The following DOP1B variants were observed in gnomAD, a reference collection of about 807,000 sequenced individuals.
The protein encoded by DOP1B is DOP1 leucine zipper like protein B, also known as protein DOP1B.
Under a neutral mutation model 233.5 loss-of-function variants are expected in DOP1B, and 174 were observed. The ratio of observed to expected loss-of-function variants is 0.75; its 90% CI spans 0.66 to 0.85. The LOEUF (loss-of-function observed/expected upper bound fraction) is 0.85. DOP1B is among the 40% of genes least tolerant of loss of function. DOP1B has a pLI of 0.00. For synonymous variants in DOP1B, 1,190 were observed against 1,185.6 expected (o/e 1.00, Z -0.08); for missense variants, 2,652 against 2,846.6 (o/e 0.93, Z 1.56).
chr21:36,184,345 G>C (rs535767691), intron 2 of DOP1B, among the ~76,000 whole-genome samples: 1 of 151,952 alleles, frequency 6.6e-6, no homozygotes, highest in African/African-American at 2.4e-5. Context: ...CACCACGCCC[G>C]GCCTAATTTT....
At chr21:36,264,417 A>T (rs544568852) in intron 26 of DOP1B, among the ~76,000 whole-genome samples, 39 of 152,010 alleles carry the variant, frequency 2.6e-4, no homozygotes, top group South Asian at 4.1e-4. Context: ...TCTCAAAAAA[A>T]TTTTTTAAAA....
intron 1 of DOP1B, among the ~76,000 whole-genome samples, chr21:36,159,528 A>G (rs150212627): frequency 2.4e-4 from 36 of 152,342 alleles, no homozygotes; most frequent in African/African-American, 6.7e-4. Context: ...GCTTGGTAGC[A>G]TACCACGTGC....
At chr21:36,271,398 C>G (rs763124928) in intron 27 of DOP1B, among the ~76,000 whole-genome samples, 1 of 151,780 alleles carries the variant, frequency 6.6e-6, no homozygotes, top group East Asian at 1.9e-4. Context: ...CTCAGCCTCC[C>G]GAATAGCTGG....
At chr21:36,166,253 G>A (rs541648394) in intron 2 of DOP1B, among the ~76,000 whole-genome samples, 29 of 151,568 alleles carry the variant, frequency 1.9e-4, no homozygotes, top group South Asian at 1.0e-3. Flanking sequence ...TGGCTAACGC[G>A]GTGAAACCCT....
At chr21:36,237,465 G>C (rs1601436959) in intron 16 of DOP1B, 51 bp downstream of exon 16, 2 of 1,603,400 alleles carry the variant, frequency 1.2e-6, no homozygotes, top group Non-Finnish European at 1.7e-6. Flanking sequence ...GGCCCCTGCT[G>C]TACGTGCCCT....
intron 2 of DOP1B, among the ~76,000 whole-genome samples, chr21:36,179,104 C>CAA (rs1394340871): frequency 6.6e-6 from 1 of 152,232 alleles, no homozygotes; most frequent in Admixed American, 6.5e-5. Flanking sequence ...TTTCACTCAG[C>CAA]AAAGCTACTT....
At chr21:36,251,090 T>G in intron 21 of DOP1B, 72 bp from the exon 22 acceptor site, 1 of 1,543,794 alleles carries the variant, frequency 6.5e-7, no homozygotes, top group Non-Finnish European at 8.7e-7. Context: ...TGGACAGCAG[T>G]GGTGGTTCAA....
intron 2 of DOP1B, among the ~76,000 whole-genome samples, chr21:36,192,758 G>A (rs1441152786): frequency 1.3e-4 from 19 of 151,768 alleles, no homozygotes; most frequent in Admixed American, 1.2e-3. Flanking sequence ...CACGATCTCG[G>A]CTCACTGCAA....
intron 2 of DOP1B, chr21:36,170,276 TG>T (rs1281335563): frequency 4.6e-5 from 15 of 326,746 alleles, no homozygotes; most frequent in Non-Finnish European, 8.0e-5. Flanking sequence ...ATATGCTTTT[TG>T]GGCATTTGTG....
At chr21:36,163,334 G>T (rs1417283216) in intron 1 of DOP1B, among the ~76,000 whole-genome samples, 1 of 114,434 alleles carries the variant, frequency 8.7e-6, no homozygotes, top group African/African-American at 3.3e-5. Context: ...ACAAGAGTGA[G>T]ACTCTGTCTC....
intron 27 of DOP1B, among the ~76,000 whole-genome samples, chr21:36,275,826 G>GGGAAAGAAGCAAA (rs1451244337): frequency 6.6e-6 from 1 of 152,092 alleles, no homozygotes; most frequent in Non-Finnish European, 1.5e-5. Context: ...CATTCTTCTA[G>GGGAAAGAAGCAAA]GTGAGTCCTT....
chr21:36,227,511 C>T (rs1382986150), intron 12 of DOP1B, among the ~76,000 whole-genome samples, 175 bp from the exon 13 acceptor site: 6 of 151,578 alleles, frequency 4.0e-5, no homozygotes, highest in Non-Finnish European at 7.4e-5. Flanking sequence ...CGCGACACTG[C>T]ACTCCAGCCT....
At chr21:36,188,982 C>T (rs1006910249) in intron 2 of DOP1B, among the ~76,000 whole-genome samples, 7 of 152,058 alleles carry the variant, frequency 4.6e-5, no homozygotes, top group African/African-American at 4.8e-5. Context: ...TGGTAAAATA[C>T]ATATAACATA....
At chr21:36,166,030 A>C (rs1473154896) in intron 2 of DOP1B, among the ~76,000 whole-genome samples, 8 of 151,472 alleles carry the variant, frequency 5.3e-5, no homozygotes, top group Non-Finnish European at 1.2e-4. Flanking sequence ...CTTTATGAGA[A>C]TCTAACTAAT....
rs551981003 is a variant in DOP1B at position 36,245,963 on chromosome 21, C to T, written c.3983C>T (p.Pro1328Leu). Residue 1328 changes from proline (P) to leucine (L), a missense_variant, in exon 19 of 37, where the codon CCT becomes CTT. Pro to Leu is a moderately conservative substitution (Grantham distance 98). Around this residue, in one of 3 missense-constraint regions of DOP1B, gnomAD observed 2,617 missense variants for 2,794.3 expected, o/e 0.94. Transcript: ENST00000691173. This position sits in a 1 kb window ranked among gnomAD's most constrained non-coding sequence, Gnocchi z 5.5. Reference sequence around the variant, plus strand: ...CTGAGCTTCCTGCGCTCCTACTACCCTTGCTATTTGAAGGTCTCGCACCGA... The same window carrying T: ...CTGAGCTTCCTGCGCTCCTACTACCTTTGCTATTTGAAGGTCTCGCACCGA... Reference protein sequence around the residue: ...LCLSFLRSYYPCYLKVSHRDI... With the variant: ...LCLSFLRSYYLCYLKVSHRDI... 2 of 1,614,060 alleles carry T rather than the reference C, an allele frequency of 1.2e-6. No homozygotes were observed. The highest frequency in any genetic ancestry group is 2.2e-5 in the South Asian group (2 of 91,074).
At chr21:36,218,455 G>A (rs774666849) in intron 9 of DOP1B, among the ~76,000 whole-genome samples, 5 of 152,048 alleles carry the variant, frequency 3.3e-5, no homozygotes, top group Non-Finnish European at 5.9e-5. Context: ...CCCGGGAGGC[G>A]GAGGTTGCAG....
chr21:36,248,376 T>C lies in DOP1B; in HGVS notation c.4810-4T>C. ...CTGCCTCATGTATTCATTTTAATTT[T>C]TAGACCATGGCTGCAGGTGATCCTG... On this transcript the variant is annotated splice_polypyrimidine_tract_variant and splice_region_variant and intron_variant, in intron 20 of 36. Transcript: ENST00000691173. 1 of 1,612,356 alleles carries C rather than the reference T, an allele frequency of 6.2e-7. No individual in the cohort carries two copies. Among genetic ancestry groups the C allele is most frequent in the Non-Finnish European group, 8.5e-7 (1 of 1,179,382 alleles).
intron 4 of DOP1B, among the ~76,000 whole-genome samples, chr21:36,206,976 A>G (rs2066432844): frequency 6.6e-6 from 1 of 152,178 alleles, no homozygotes; most frequent in South Asian, 2.1e-4. Context: ...AACAAAATGT[A>G]CTTTTAATAT....
intron 18 of DOP1B, among the ~76,000 whole-genome samples, chr21:36,242,151 C>CATCATTATTATT (rs2066899367): frequency 6.9e-6 from 1 of 143,962 alleles, no homozygotes; most frequent in African/African-American, 2.6e-5. Flanking sequence ...GTTCCTTGGG[C>CATCATTATTATT]ATTATTATTA....
Sources: gnomAD v4.1 joint callset for allele counts (sites outside exome capture counted in the v4.1 genomes callset) on GRCh38, gnomAD v4.1.1 for gene constraint, gnomAD v4.1.1 regional missense constraint, Gnocchi (gnomAD v3.1) non-coding constraint, MANE v1.5 for transcripts, NCBI Gene and HGNC (gene_info 2026-07-23, HGNC 2026-07-21) for gene names.